The following BLTP3A variants were observed in gnomAD, a reference collection of about 807,000 sequenced individuals.
BLTP3A encodes the protein ICBP90 binding protein 1.
At chr6:34,827,893 A>G in the BLTP3A span, among the ~76,000 whole-genome samples, 1 of 152,086 alleles carries the variant, frequency 6.6e-6, no homozygotes, top group African/African-American at 2.4e-5. Context: ...TGGCCTCCCA[A>G]AGTGCTGGGA....
the BLTP3A span, among the ~76,000 whole-genome samples, chr6:34,868,693 C>T: frequency 1.7e-4 from 26 of 149,272 alleles, no homozygotes; most frequent in African/African-American, 5.2e-4. Context: ...CCTTGTACTA[C>T]AGCCTGGGTG....
the BLTP3A span, among the ~76,000 whole-genome samples, chr6:34,871,338 G>A: frequency 1.3e-5 from 2 of 152,166 alleles, no homozygotes; most frequent in Non-Finnish European, 2.9e-5. Flanking sequence ...GTTCAGGTGA[G>A]GAGACCTTGT....
the BLTP3A span, chr6:34,857,200 A>G: frequency 8.4e-7 from 1 of 1,184,414 alleles, no homozygotes. Flanking sequence ...CCTGGAATAT[A>G]TGTGAAAGAC....
chr6:34,804,226 G>A, the BLTP3A span, among the ~76,000 whole-genome samples: 1 of 152,126 alleles, frequency 6.6e-6, no homozygotes, highest in Non-Finnish European at 1.5e-5. Flanking sequence ...GGATGTCTGG[G>A]CTGGAGAGTT....
the BLTP3A span, among the ~76,000 whole-genome samples, chr6:34,826,040 T>TTTTTTTTTTTTTTTTTTTTTC: frequency 6.7e-6 from 1 of 148,384 alleles, no homozygotes; most frequent in Non-Finnish European, 1.5e-5. Context: ...TTTTTTTTTT[T>TTTTTTTTTTTTTTTTTTTTTC]TTTTTTTGAG....
chr6:34,847,380 G>C, the BLTP3A span, among the ~76,000 whole-genome samples: 99 of 152,158 alleles, frequency 6.5e-4, no homozygotes, highest in African/African-American at 2.3e-3. Context: ...AATAGGATAG[G>C]TATTAGTTCT....
chr6:34,818,656 A>G, the BLTP3A span, among the ~76,000 whole-genome samples: 1 of 152,166 alleles, frequency 6.6e-6, no homozygotes, highest in Admixed American at 6.5e-5. Context: ...CGTTATCCAT[A>G]CAGTTGAAGC....
At chr6:34,799,221 C>T in the BLTP3A span, among the ~76,000 whole-genome samples, 13 of 152,290 alleles carry the variant, frequency 8.5e-5, no homozygotes, top group East Asian at 1.7e-3. Flanking sequence ...GAATTACAGG[C>T]GTGAGCCACC....
the BLTP3A span, among the ~76,000 whole-genome samples, chr6:34,862,074 C>A: frequency 6.6e-6 from 1 of 152,072 alleles, no homozygotes; most frequent in Non-Finnish European, 1.5e-5. Flanking sequence ...CTAAATCTTT[C>A]TTTAGAATAA....
the BLTP3A span, among the ~76,000 whole-genome samples, chr6:34,853,233 G>A: frequency 6.6e-6 from 1 of 152,316 alleles, no homozygotes; most frequent in East Asian, 1.9e-4. Context: ...AGGCTGGAGT[G>A]CAGTTATGTG....
At chr6:34,871,009 C>T in the BLTP3A span, 3 of 1,614,176 alleles carry the variant, frequency 1.9e-6, no homozygotes, top group Non-Finnish European at 2.5e-6. Context: ...TGACCTCGAG[C>T]TGCTCACTTC....
At chr6:34,857,234 C>T in the BLTP3A span, 203 of 1,441,742 alleles carry the variant, frequency 1.4e-4, no homozygotes, top group Admixed American at 4.4e-4. Flanking sequence ...TGACAGACTT[C>T]AGAGGGATGG....
the BLTP3A span, among the ~76,000 whole-genome samples, chr6:34,810,277 T>G: frequency 1.3e-5 from 2 of 152,190 alleles, no homozygotes; most frequent in Non-Finnish European, 1.5e-5. Flanking sequence ...GCATCATGAA[T>G]AGTACACAAG....
At chr6:34,836,216 GGCAACA>G in the BLTP3A span, 8 of 1,614,164 alleles carry the variant, frequency 5.0e-6, no homozygotes, top group Non-Finnish European at 6.8e-6. Context: ...TGGCAGCCAG[GGCAACA>G]GCAACAGCAG....
the BLTP3A span, among the ~76,000 whole-genome samples, chr6:34,853,795 C>G: frequency 6.6e-6 from 1 of 151,976 alleles, no homozygotes; most frequent in African/African-American, 2.4e-5. Context: ...CTCCTGACCT[C>G]AAGTGAACCA....
chr6:34,823,410 A>C, the BLTP3A span: 1 of 1,417,134 alleles, frequency 7.1e-7, no homozygotes, highest in Non-Finnish European at 9.8e-7. Context: ...CCTTTTAGTT[A>C]AAAAATAAAA....
At chr6:34,822,549 T>C in the BLTP3A span, among the ~76,000 whole-genome samples, 1 of 152,062 alleles carries the variant, frequency 6.6e-6, no homozygotes, top group African/African-American at 2.4e-5. Flanking sequence ...CTCCTTGAAA[T>C]CTTGACAGAG....
the BLTP3A span, chr6:34,835,282 T>C: frequency 1.7e-5 from 27 of 1,613,194 alleles, 1 homozygote; most frequent in East Asian, 5.8e-4. Flanking sequence ...ATGTTGTCTG[T>C]GGCTTCCTCA....
the BLTP3A span, among the ~76,000 whole-genome samples, chr6:34,853,043 G>A: frequency 1.3e-5 from 2 of 152,206 alleles, no homozygotes; most frequent in African/African-American, 4.8e-5. Context: ...GAGGCTGGGG[G>A]TGGGGTGGTG....
Sources: allele counts gnomAD v4.1 joint callset (sites outside exome capture counted in the v4.1 genomes callset), GRCh38; gene constraint gnomAD v4.1.1; transcripts MANE v1.5; gene names NCBI Gene and HGNC (gene_info 2026-07-23, HGNC 2026-07-21).